The following WDR90 variants were observed in gnomAD, a reference collection of about 807,000 sequenced individuals.
WDR90 encodes WD repeat domain 90.
In WDR90, 238 loss-of-function variants were observed where a neutral mutation model predicts 195.2. The ratio of observed to expected loss-of-function variants is 1.22; its 90% CI spans 1.10 to 1.36. The LOEUF (loss-of-function observed/expected upper bound fraction) is 1.36. Ranked by LOEUF, WDR90 falls within the 40% of genes most tolerant of loss-of-function variation. The pLI is 0.00. For missense variants in WDR90, 2,734 were observed against 2,439.5 expected (o/e 1.12, Z -2.54); for synonymous variants, 1,265 against 1,052.4 (o/e 1.20, Z -3.91).
intron 9 of WDR90, 190 bp from the exon 10 acceptor site, chr16:652,277 C>A: frequency 1.2e-6 from 1 of 807,168 alleles, no homozygotes; most frequent in Non-Finnish European, 1.9e-6. Flanking sequence ...TGTGGGGGAC[C>A]CTCGAAGGTC....
Position 662,721 on chromosome 16 carries a change from GGTGA to G in WDR90, c.4192_4195del (p.Ser1398ProfsTer40), listed in dbSNP as rs990220203. On this transcript the variant is annotated frameshift_variant, in exon 34 of 41. Transcript: ENST00000293879. LOFTEE classifies it high-confidence loss of function. ...ACGAGCTGGTGCTGGACGGGGCTGT[GGTGA>G]GTGCCAGCTTCGATGACAGCGTGGA... 5 of 1,587,782 alleles carry G rather than the reference GGTGA, an allele frequency of 3.1e-6. No homozygotes were observed. The highest frequency in any genetic ancestry group is 2.2e-5 in the East Asian group (1 of 44,462).
In WDR90 at chr16:661,876, CTCA is replaced by C. The variant is rs747813519; in HGVS notation, c.3865-13_3865-11del. 7 of 1,605,124 alleles carry C rather than the reference CTCA, an allele frequency of 4.4e-6. No homozygotes were observed. Among genetic ancestry groups the C allele is most frequent in the Admixed American group, 1.7e-5 (1 of 59,768 alleles). On this transcript the variant is annotated splice_polypyrimidine_tract_variant and intron_variant, in intron 31 of 40. Transcript: ENST00000293879. ...GGGACACTGCTGACCCATGGCCACT[CTCA>C]TACTTTGCCAGGTGCGTCGAGAGCC...
Position 660,733 on chromosome 16 carries a change from C to T in WDR90, c.3391+19C>T, listed in dbSNP as rs770189640. On this transcript the variant is annotated intron_variant, in intron 28 of 40. Coordinates refer to ENST00000293879, the MANE Select transcript of WDR90 (RefSeq NM_145294.5). The stretch of plus-strand genomic sequence containing the variant: ...GACACAGGTGGGGGCCAAGAGCCTA[C>T]CCCCACCCCCAGCCAAGATGCGGCC... 3 of 1,535,708 alleles carry T rather than the reference C, an allele frequency of 2.0e-6. No homozygotes were observed. The South Asian group carries it at 3.6e-5, about 18-fold the overall frequency.
At chr16:649,320 A>G, upstream of WDR90, 1 of 1,288,588 alleles carries the variant, frequency 7.8e-7, no homozygotes, top group Non-Finnish European at 9.9e-7. Flanking sequence ...TAATGGCGGA[A>G]GTGGCACCGT....
At chr16:660,569 G>GGCAGCCTC in intron 27 of WDR90, 43 bp from the exon 28 acceptor site, 2 of 1,538,748 alleles carry the variant, frequency 1.3e-6, no homozygotes, top group Non-Finnish European at 1.8e-6. Flanking sequence ...GGCACAGGTG[G>GGCAGCCTC]CCATGCTGGG....
chr16:652,063 CG>C, intron 9 of WDR90, 24 bp downstream of exon 9: 1 of 1,564,904 alleles, frequency 6.4e-7, no homozygotes. Flanking sequence ...CCACAGCAGG[CG>C]GGGCCTGGTG....
At chr16:651,521 G>T in intron 7 of WDR90, 123 bp from the exon 8 acceptor site, 1 of 1,075,732 alleles carries the variant, frequency 9.3e-7, no homozygotes, top group Non-Finnish European at 1.3e-6. Context: ...TGGGGATACT[G>T]GCTGTGGGTC....
At chr16:652,593 T>G (rs1282563354) in intron 10 of WDR90, 58 bp downstream of exon 10, 2 of 1,520,124 alleles carry the variant, frequency 1.3e-6, no homozygotes, top group Non-Finnish European at 1.8e-6. Context: ...GAGCGCTGAG[T>G]ACAGAACGGG....
rs1242207402 is a variant in WDR90, at chr16:662,179, G to T, written c.4034-41G>T. ...GCAGCCTTGTGACCCAGGGCCTCTG[G>T]GAAGGCAGCCGTGGCCCCTTATGGC... On this transcript the variant is annotated intron_variant, in intron 32 of 40. Transcript: ENST00000293879. 2.6e-6 allele frequency: 4 copies of T among 1,519,998 alleles called. No homozygotes were observed. In the East Asian group the frequency reaches 7.2e-5, roughly 28 times the overall value. The allele number at this position is 1,519,998 out of a possible 1,614,324, so 94.2% of individuals were successfully genotyped here.
chr16:658,820 C>A, intron 23 of WDR90, 76 bp from the exon 24 acceptor site: 1 of 1,581,544 alleles, frequency 6.3e-7, no homozygotes. Context: ...GTGGGGCTCA[C>A]CGTCCCTGGG....
At chr16:657,622 T>A (rs2037788381) in intron 20 of WDR90, 140 bp from the exon 21 acceptor site, 1 of 1,277,656 alleles carries the variant, frequency 7.8e-7, no homozygotes, top group Admixed American at 3.1e-5. Context: ...ACCTTGGCAA[T>A]CCTCTGCCGG....
intron 19 of WDR90, 82 bp from the exon 20 acceptor site, chr16:657,009 G>A: frequency 6.4e-7 from 1 of 1,566,146 alleles, no homozygotes; most frequent in Non-Finnish European, 8.6e-7. Context: ...TCCATGGCCA[G>A]GCTGGTTGGC....
chr16:659,388 G>C lies in WDR90; in HGVS notation c.3184+12G>C, dbSNP rs2037842634. Reference sequence around the variant, plus strand: ...CGAAGGTGGCGATGGTGAGCAGCAGGGGTCCTGGAGGAGTGGGGGGATTCG... The same window carrying C: ...CGAAGGTGGCGATGGTGAGCAGCAGCGGTCCTGGAGGAGTGGGGGGATTCG... On this transcript the variant is annotated intron_variant, in intron 26 of 40. Coordinates refer to ENST00000293879, the MANE Select transcript of WDR90 (RefSeq NM_145294.5). The C allele has an allele frequency of 1.3e-6, 2 of 1,587,852 alleles. No individual in the cohort carries two copies. The highest frequency in any genetic ancestry group is 1.1e-5 in the South Asian group (1 of 87,272).
At chr16:658,792 T>A in intron 23 of WDR90, 104 bp from the exon 24 acceptor site, 1 of 1,557,496 alleles carries the variant, frequency 6.4e-7, no homozygotes, top group Non-Finnish European at 8.7e-7. Flanking sequence ...CCTCTGTGCC[T>A]CCGGGGCCTC....
chr16:665,463 C>T, intron 34 of WDR90: 2 of 677,432 alleles, frequency 3.0e-6, no homozygotes, highest in Non-Finnish European at 2.5e-6. Context: ...GTTTGACTGG[C>T]TAGTGGGCTT....
At chr16:651,174 ACT>A in intron 6 of WDR90, 23 bp from the exon 7 acceptor site, 1 of 1,613,196 alleles carries the variant, frequency 6.2e-7, no homozygotes, top group Non-Finnish European at 8.5e-7. Context: ...GCCCCCAGAC[ACT>A]GACTCTCCCT....
chr16:655,261 C>G, intron 14 of WDR90, 46 bp from the exon 15 acceptor site: 1 of 1,610,760 alleles, frequency 6.2e-7, no homozygotes, highest in Non-Finnish European at 8.5e-7. Context: ...CCCGGTGGGT[C>G]AGGGCGCTGC....
intron 20 of WDR90, 34 bp from the exon 21 acceptor site, chr16:657,728 C>A: frequency 2.0e-6 from 3 of 1,515,814 alleles, no homozygotes; most frequent in Admixed American, 2.3e-5. Flanking sequence ...CCGGCACTCC[C>A]CACCCAGCTG....
rs2037646817 is a variant in WDR90, at chr16:651,562, T to G, written c.737-82T>G. 4 of 1,393,734 alleles carry G rather than the reference T, an allele frequency of 2.9e-6. No individual in the cohort carries two copies. In the South Asian group the frequency reaches 5.0e-5, roughly 17 times the overall value. The allele number at this position is 1,393,734 out of a possible 1,614,324, so 86.3% of individuals were successfully genotyped here. A position where few individuals can be genotyped will look rare whatever the true frequency, so the allele number is the denominator to read the frequency against. On this transcript the variant is annotated intron_variant, in intron 7 of 40. Coordinates refer to ENST00000293879, the MANE Select transcript of WDR90 (RefSeq NM_145294.5). ...GAGCCGGTGAGGCTGGGCCACTTGCTGCTGCCCTCCCCAGGCGTCACCCTC... is the reference window on the plus strand; with the variant it reads ...GAGCCGGTGAGGCTGGGCCACTTGCGGCTGCCCTCCCCAGGCGTCACCCTC...
Sources: allele counts gnomAD v4.1 joint callset, GRCh38; gene constraint gnomAD v4.1.1; transcripts MANE v1.5; gene names NCBI Gene and HGNC (gene_info 2026-07-23, HGNC 2026-07-21).